Variants in COL4A1 observed in about 807,000 individuals in gnomAD.
COL4A1 encodes collagen type IV alpha 1 chain.
COL4A1 carries 40 observed loss-of-function variants against 216.6 expected under a neutral mutation model. That is an observed-to-expected ratio of 0.18 (90% CI 0.14 to 0.24). COL4A1 has a LOEUF of 0.24. Ranked by LOEUF, COL4A1 falls within the 10% of genes least tolerant of loss-of-function variation. The pLI, the probability that COL4A1 is intolerant of heterozygous loss-of-function variation, is 1.00. For missense variants in COL4A1, 1,628 were observed against 2,196.8 expected, an observed-to-expected ratio of 0.74 and a Z score of 5.18; for synonymous variants, 839 against 810.7, an observed-to-expected ratio of 1.03 and a Z score of -0.59.
intron 12 of COL4A1, among the ~76,000 whole-genome samples, chr13:110,208,631 G>A (rs979809416): frequency 6.6e-6 from 1 of 152,180 alleles, no homozygotes; most frequent in Non-Finnish European, 1.5e-5. Flanking sequence ...CTGCTTGTCA[G>A]ATCACAGAGC....
chr13:110,203,360 T>G (rs1319390423), intron 18 of COL4A1, among the ~76,000 whole-genome samples: 1 of 152,188 alleles, frequency 6.6e-6, no homozygotes, highest in African/African-American at 2.4e-5. Context: ...AGAAAATCAT[T>G]TCAAGTAGCA....
chr13:110,198,736 A>G lies in COL4A1; in HGVS notation c.1121-105T>C, dbSNP rs1879024256. On this transcript the variant is annotated intron_variant, in intron 20 of 51. Coordinates refer to ENST00000375820, the MANE Select transcript of COL4A1 (RefSeq NM_001845.6). ...TTCAAGGTAAAAATCCAACCAGACC[A>G]TCACTGAAAAGGGAACTGCTTTAGA... is the stretch of plus-strand genomic sequence containing the variant. 19 of 1,473,050 alleles carry G rather than the reference A, an allele frequency of 1.3e-5. 1 individual carries two copies. In the South Asian group the frequency reaches 2.2e-4, roughly 17 times the overall value. 91.2% of individuals were successfully genotyped at this position (1,473,050 alleles called of 1,614,324 possible).
intron 22 of COL4A1, among the ~76,000 whole-genome samples, chr13:110,193,996 C>T (rs1878762446): frequency 1.3e-5 from 2 of 152,100 alleles, no homozygotes; most frequent in South Asian, 4.1e-4. Context: ...AGATGCTTCT[C>T]CTAGGATCTG....
intron 1 of COL4A1, among the ~76,000 whole-genome samples, chr13:110,280,487 C>T (rs1241387348): frequency 6.6e-6 from 1 of 152,242 alleles, no homozygotes; most frequent in African/African-American, 2.4e-5. Context: ...CAATTCTATG[C>T]TTGTATTACA....
chr13:110,303,712 C>T lies in COL4A1; in HGVS notation c.84+3232G>A, dbSNP rs114587822. Among the ~76,000 whole-genome samples the T allele has an allele frequency of 6.8e-3, 1,034 of 152,342 alleles. 10 individuals carry two copies. Among genetic ancestry groups the T allele is most frequent in the African/African-American group, 0.024 (993 of 41,578 alleles). On this transcript the variant is annotated intron_variant, in intron 1 of 51. Coordinates refer to ENST00000375820, the MANE Select transcript of COL4A1 (RefSeq NM_001845.6). ...GTGTTCCTATAGCCCTTCGATTCCC[C>T]TGATTGTGACATTTACCAGCCTGAC...
chr13:110,149,930 A>C lies in COL4A1; in HGVS notation c.*433T>G, dbSNP rs1051748243. ...TGCTATTATTTGTACAGACCAAGGGACCTAAATTTTGAAACAGCTAGACAG... is the reference window on the plus strand; with the variant it reads ...TGCTATTATTTGTACAGACCAAGGGCCCTAAATTTTGAAACAGCTAGACAG... On this transcript the variant is annotated 3_prime_UTR_variant, in exon 52 of 52. Coordinates refer to ENST00000375820, the MANE Select transcript of COL4A1 (RefSeq NM_001845.6). 4.4e-5 allele frequency: 13 copies of C among 294,018 alleles called. No homozygotes were observed. The highest frequency in any genetic ancestry group is 8.0e-5 in the Non-Finnish European group (12 of 150,156). The allele number at this position is 294,018 out of a possible 1,614,324, so 18.2% of individuals were successfully genotyped here.
chr13:110,287,833 G>A (rs1468515658), intron 1 of COL4A1, among the ~76,000 whole-genome samples: 1 of 152,222 alleles, frequency 6.6e-6, no homozygotes, highest in Non-Finnish European at 1.5e-5. Flanking sequence ...TGCAGCACAG[G>A]AAGCACAAAC....
Position 110,296,359 on chromosome 13 carries a change from C to A in COL4A1, c.84+10585G>T, listed in dbSNP as rs537178324. On this transcript the variant is annotated intron_variant, in intron 1 of 51. Transcript: ENST00000375820. Reference sequence around the variant, plus strand: ...TCGATTGTTTGAATATCATTATAATCCCAATATTTTGTAAATTATCCAAGA... The same window carrying A: ...TCGATTGTTTGAATATCATTATAATACCAATATTTTGTAAATTATCCAAGA... 1.1e-4 allele frequency among the ~76,000 whole-genome samples: 16 copies of A among 152,288 alleles called. No homozygotes were observed. The South Asian group carries it at 2.7e-3, about 26-fold the overall frequency.
intron 2 of COL4A1, among the ~76,000 whole-genome samples, chr13:110,240,219 A>T (rs932850623): frequency 6.4e-5 from 8 of 125,146 alleles, no homozygotes; most frequent in East Asian, 1.9e-4. Context: ...AAAAAAAATT[A>T]AAAAAAAACA....
intron 48 of COL4A1, chr13:110,161,988 G>A (rs975661816): frequency 4.5e-5 from 26 of 572,032 alleles, no homozygotes; most frequent in African/African-American, 1.1e-4. Context: ...AAAGATTTTC[G>A]AAGATTCAGT....
chr13:110,151,617 CA>C (rs1350956419), intron 51 of COL4A1, among the ~76,000 whole-genome samples: 1 of 152,186 alleles, frequency 6.6e-6, no homozygotes, highest in Non-Finnish European at 1.5e-5. Context: ...GGCTCATCTC[CA>C]GGGGTGAGAA....
chr13:110,216,842 G>A lies in COL4A1; in HGVS notation c.145-2827C>T, dbSNP rs548957409. On this transcript the variant is annotated intron_variant, in intron 2 of 51. Transcript: ENST00000375820. ...TCACAGATAGGGAAATTAAGATTCC[G>A]ATGCTTAACTGACTTGTCGTACGTC... 5.3e-4 allele frequency among the ~76,000 whole-genome samples: 81 copies of A among 152,276 alleles called. 1 individual carries two copies. The highest frequency in any genetic ancestry group is 1.1e-3 in the Non-Finnish European group (73 of 68,026).
intron 1 of COL4A1, among the ~76,000 whole-genome samples, chr13:110,289,846 C>T (rs1039637820): frequency 6.6e-6 from 1 of 152,210 alleles, no homozygotes; most frequent in Non-Finnish European, 1.5e-5. Context: ...GCTTCTTCCT[C>T]TGTCTTCCAA....
chr13:110,260,963 A>G (rs1189047635), intron 1 of COL4A1, among the ~76,000 whole-genome samples: 2 of 130,280 alleles, frequency 1.5e-5, no homozygotes, highest in Admixed American at 1.9e-4. Flanking sequence ...CGTGAACCCG[A>G]GAAGTGGAGC....
At chr13:110,170,768 G>T in intron 41 of COL4A1, 36 bp from the exon 42 acceptor site, 17 of 1,607,798 alleles carry the variant, frequency 1.1e-5, no homozygotes, top group Non-Finnish European at 1.4e-5. Context: ...GATGGGAAAC[G>T]CAGCAGCAGA....
Position 110,205,363 on chromosome 13 carries a change from T to C in COL4A1, c.947A>G (p.Gln316Arg), listed in dbSNP as rs755306301. ...AGTGCCAGCGTTTACCTGCGGGCCCTGGCGGCCTATGAGTCCTGGGTACCC... is the reference window on the plus strand; with the variant it reads ...AGTGCCAGCGTTTACCTGCGGGCCCCGGCGGCCTATGAGTCCTGGGTACCC... ...EPGYPGLIGR[Q>R]GPQGEKGEAG... The change falls in exon 17 of 52, where the codon CAG becomes CGG. Residue 316 changes from glutamine (Q) to arginine (R), a missense_variant. Gln to Arg is a conservative substitution (Grantham distance 43). This residue lies in a region of COL4A1 where 701 missense variants were observed against 892.5 expected (regional missense o/e 0.79). Transcript: ENST00000375820. 6.2e-7 allele frequency: 1 copy of C among 1,614,116 alleles called. No individual in the cohort carries two copies. The highest frequency in any genetic ancestry group is 8.5e-7 in the Non-Finnish European group (1 of 1,180,022).
intron 21 of COL4A1, among the ~76,000 whole-genome samples, chr13:110,196,306 T>C (rs533619043): frequency 2.6e-5 from 4 of 152,230 alleles, no homozygotes; most frequent in Admixed American, 6.5e-5. Context: ...ACTCTGGTCC[T>C]GCCTGGCTCC....
At chr13:110,185,819 T>C (rs1406091882) in intron 26 of COL4A1, among the ~76,000 whole-genome samples, 1 of 152,202 alleles carries the variant, frequency 6.6e-6, no homozygotes, top group Non-Finnish European at 1.5e-5. Flanking sequence ...CTGAACAGGC[T>C]GTGCAGGAGG....
intron 2 of COL4A1, among the ~76,000 whole-genome samples, chr13:110,215,701 A>T (rs1361122411): frequency 1.3e-5 from 2 of 152,250 alleles, no homozygotes; most frequent in African/African-American, 4.8e-5. Flanking sequence ...ATTTAAAAAC[A>T]TAAGGCAGAC....
Sources: allele counts gnomAD v4.1 joint callset (sites outside exome capture counted in the v4.1 genomes callset), GRCh38; gene constraint gnomAD v4.1.1; regional missense constraint gnomAD v4.1.1; transcripts MANE v1.5; gene names NCBI Gene and HGNC (gene_info 2026-07-23, HGNC 2026-07-21).